Variants in NFX1 observed in about 807,000 individuals in gnomAD.
The protein encoded by NFX1 is nuclear transcription factor, X-box binding 1, also known as transcriptional repressor NF-X1.
Under a neutral mutation model 137.2 loss-of-function variants are expected in NFX1, and 69 were observed. The observed-to-expected ratio is 0.50, with a 90% CI of 0.41 to 0.61. The LOEUF is 0.61. NFX1 is among the 20% of genes least tolerant of loss of function. The pLI, the probability that NFX1 is intolerant of heterozygous loss-of-function variation, is 0.00. For synonymous variants in NFX1, 495 were observed against 474.1 expected (o/e 1.04, Z -0.57); for missense variants, 1,167 against 1,391.0 (o/e 0.84, Z 2.56).
In NFX1 at chr9:33,295,062, C is replaced by T. The variant is rs1210362122; in HGVS notation, c.668C>T (p.Ser223Phe). The T allele has an allele frequency of 8.1e-6, 13 of 1,614,098 alleles. No homozygotes were observed. Among genetic ancestry groups the T allele is most frequent in the Non-Finnish European group, 1.1e-5 (13 of 1,180,026 alleles). ...VFHPDSSEAS[S>F]RKGVLDGYGA... ...CACCCTGACTCTTCAGAGGCATCCTCTAGAAAAGGAGTATTGGATGGGTAT... is the reference window on the plus strand; with the variant it reads ...CACCCTGACTCTTCAGAGGCATCCTTTAGAAAAGGAGTATTGGATGGGTAT... The change falls in exon 2 of 24, where the codon TCT (serine) becomes TTT (phenylalanine). Residue 223 changes from serine (S) to phenylalanine (F), a missense_variant. By Grantham distance (155) the Ser-to-Phe change is radical. Transcript: ENST00000379540.
chr9:33,291,864 C>CT (rs1354759315), intron 1 of NFX1, among the ~76,000 whole-genome samples: 1 of 152,192 alleles, frequency 6.6e-6, no homozygotes, highest in Non-Finnish European at 1.5e-5. Flanking sequence ...GATCGTGCCA[C>CT]TGCACTCCAG....
At position 33,328,571 on chromosome 9, in the gene NFX1, T is replaced by C. The variant is rs750974588; in HGVS notation, c.1907-10T>C. ...GTTTTCATTTCCAGCTCTTTTCGTT[T>C]TTATTAAAGATTTCATTCATACCTG... On this transcript the variant is annotated splice_polypyrimidine_tract_variant and intron_variant, in intron 9 of 23. Coordinates refer to ENST00000379540, the MANE Select transcript of NFX1 (RefSeq NM_002504.6). The C allele has an allele frequency of 6.3e-7, 1 of 1,595,842 alleles. No individual in the cohort carries two copies. The highest frequency in any genetic ancestry group is 1.7e-5 in the Admixed American group (1 of 58,782).
At chr9:33,296,618 C>G (rs554642426) in intron 2 of NFX1, among the ~76,000 whole-genome samples, 1 of 152,252 alleles carries the variant, frequency 6.6e-6, no homozygotes, top group African/African-American at 2.4e-5. Context: ...GCCTGTAGTC[C>G]CAGACACTCA....
intron 1 of NFX1, among the ~76,000 whole-genome samples, chr9:33,291,784 TCCCAGCTACTC>T (rs1314713559): frequency 1.3e-5 from 2 of 152,232 alleles, no homozygotes; most frequent in Admixed American, 1.3e-4. Context: ...GCGCCTGTAG[TCCCAGCTACTC>T]CGGAGGCTGA....
chr9:33,341,462 GTA>G (rs751787511), intron 12 of NFX1, among the ~76,000 whole-genome samples: 1 of 151,904 alleles, frequency 6.6e-6, no homozygotes, highest in African/African-American at 2.4e-5. Context: ...CTGTATCAGT[GTA>G]TATATATATA....
intron 21 of NFX1, chr9:33,365,901 G>A (rs1824154618): frequency 1.3e-5 from 2 of 152,252 alleles, no homozygotes; most frequent in South Asian, 4.1e-4. Context: ...CCCCTGTCCT[G>A]GAGGCGGCCA....
chr9:33,296,561 C>G (rs1264948051), intron 2 of NFX1, among the ~76,000 whole-genome samples: 2 of 152,132 alleles, frequency 1.3e-5, no homozygotes, highest in Non-Finnish European at 2.9e-5. Flanking sequence ...GACCCTGTCA[C>G]TACAAAAGAA....
intron 2 of NFX1, among the ~76,000 whole-genome samples, chr9:33,297,367 C>T (rs576852571): frequency 6.6e-6 from 1 of 152,348 alleles, no homozygotes; most frequent in Non-Finnish European, 1.5e-5. Flanking sequence ...ATTCTTGGAA[C>T]CTCAATGTAT....
intron 17 of NFX1, 186 bp downstream of exon 17, chr9:33,352,905 T>A (rs1269966389): frequency 1.3e-5 from 7 of 551,802 alleles, no homozygotes; most frequent in East Asian, 9.0e-5. Context: ...CCTTGCAACT[T>A]TTCTAAAAGC....
chr9:33,356,151 A>C (rs1025415066), intron 19 of NFX1, among the ~76,000 whole-genome samples: 6 of 152,224 alleles, frequency 3.9e-5, no homozygotes, highest in Non-Finnish European at 5.9e-5. Flanking sequence ...TGAAATTGTC[A>C]CTTTTTAATT....
rs1196173427 is a variant in NFX1 at position 33,354,961 on chromosome 9, A to G, written c.2873+69A>G. The G allele has an allele frequency of 3.8e-5, 55 of 1,463,874 alleles. No homozygotes were observed. In the East Asian group the frequency reaches 1.2e-3, roughly 33 times the overall value. The allele number at this position is 1,463,874 out of a possible 1,614,324, so 90.7% of individuals were successfully genotyped here. On this transcript the variant is annotated intron_variant, in intron 19 of 23. Transcript: ENST00000379540. The stretch of plus-strand genomic sequence containing the variant: ...TCTGTGAAATTAATGGGAGGGAGCA[A>G]CCCTTCAAACGTCATTCACTCAGCA...
chr9:33,307,755 CCAAGATGT>C (rs1400901645), intron 5 of NFX1, among the ~76,000 whole-genome samples: 2 of 151,250 alleles, frequency 1.3e-5, no homozygotes, highest in African/African-American at 2.4e-5. Flanking sequence ...GACAGTATTT[CCAAGATGT>C]CAAGATGTCA....
chr9:33,330,606 AT>A (rs1468470589), intron 10 of NFX1, among the ~76,000 whole-genome samples: 1 of 152,178 alleles, frequency 6.6e-6, no homozygotes, highest in African/African-American at 2.4e-5. Context: ...GTGACTGAAA[AT>A]TGTAAGCAGG....
At chr9:33,340,298 G>A (rs1378903465) in intron 12 of NFX1, among the ~76,000 whole-genome samples, 3 of 152,254 alleles carry the variant, frequency 2.0e-5, no homozygotes, top group African/African-American at 4.8e-5. Context: ...CCACATGGAA[G>A]CTGCCAAGGT....
intron 12 of NFX1, among the ~76,000 whole-genome samples, chr9:33,342,128 TCA>T (rs150408873): frequency 0.067 from 9,750 of 145,738 alleles, 312 homozygotes; most frequent in East Asian, 0.093. Context: ...TCTCTCTCTC[TCA>T]CACACACACA....
At chr9:33,306,591 G>T (rs1821760157) in intron 4 of NFX1, among the ~76,000 whole-genome samples, 1 of 152,192 alleles carries the variant, frequency 6.6e-6, no homozygotes. Context: ...AAGTGAGGAT[G>T]AATTCCTCAA....
chr9:33,311,223 C>T lies in NFX1; in HGVS notation c.1448+46C>T. 5 of 1,496,782 alleles carry T rather than the reference C, an allele frequency of 3.3e-6. No homozygotes were observed. In the South Asian group the frequency reaches 4.5e-5, roughly 14 times the overall value. 92.7% of individuals were successfully genotyped at this position (1,496,782 alleles called of 1,614,324 possible). On this transcript the variant is annotated intron_variant, in intron 6 of 23. Transcript: ENST00000379540. ...TAAAGAAGACCTCAGTTTTCACATG[C>T]ATGATTGACTTGTGAATTTCTGAAA...
chr9:33,351,941 A>C, intron 16 of NFX1, 151 bp downstream of exon 16: 1 of 719,648 alleles, frequency 1.4e-6, no homozygotes, highest in Non-Finnish European at 2.1e-6. Context: ...AGAGTAAGTC[A>C]TACAAGTTTC....
In NFX1 at chr9:33,347,022, C is replaced by G. The variant is rs377410038; in HGVS notation, c.2345-16C>G. 7 of 1,599,010 alleles carry G rather than the reference C, an allele frequency of 4.4e-6. No homozygotes were observed. The highest frequency in any genetic ancestry group is 6.0e-6 in the Non-Finnish European group (7 of 1,167,820). ...ATTTAGAAAGTATTCCTAAAGTTAC[C>G]TTTCTCTTTCTGCAGTATATCATTC... On this transcript the variant is annotated splice_polypyrimidine_tract_variant and intron_variant, in intron 14 of 23. Transcript: ENST00000379540.
Sources: allele counts gnomAD v4.1 joint callset (sites outside exome capture counted in the v4.1 genomes callset), GRCh38; gene constraint gnomAD v4.1.1; transcripts MANE v1.5; gene names NCBI Gene and HGNC (gene_info 2026-07-23, HGNC 2026-07-21).